SYNE2: variants seen among roughly 807,000 people sequenced by gnomAD.
The protein encoded by SYNE2 is nesprin-2.
In SYNE2, 431 loss-of-function variants were observed where a neutral mutation model predicts 856.3. The ratio of observed to expected loss-of-function variants is 0.50; its 90% CI spans 0.47 to 0.55. SYNE2 has a LOEUF of 0.55. SYNE2 is among the 20% of genes least tolerant of loss of function. The pLI is 0.00. For missense variants in SYNE2, 8,129 were observed against 8,023.2 expected, an observed-to-expected ratio of 1.01 and a Z score of -0.50; for synonymous variants, 2,923 against 2,872.3, an observed-to-expected ratio of 1.02 and a Z score of -0.56.
intron 85 of SYNE2, 53 bp downstream of exon 85, chr14:64,152,769 T>G: frequency 6.2e-7 from 1 of 1,609,154 alleles, no homozygotes; most frequent in Non-Finnish European, 8.5e-7. Flanking sequence ...TCTTTTACCT[T>G]ATTTGTCGTT....
At chr14:64,098,335 C>T (rs532961601) in intron 62 of SYNE2, 189 bp downstream of exon 62, 6 of 686,506 alleles carry the variant, frequency 8.7e-6, no homozygotes, top group Admixed American at 2.3e-5. Flanking sequence ...CTGTTCTGGA[C>T]TCCACCCAGA....
At chr14:64,074,492 G>A (rs1302717738) in intron 53 of SYNE2, among the ~76,000 whole-genome samples, 4 of 152,140 alleles carry the variant, frequency 2.6e-5, no homozygotes, top group Non-Finnish European at 4.4e-5. Flanking sequence ...CTCTGACAGG[G>A]TCTATGTACA....
In SYNE2 at chr14:63,990,996, G is replaced by C; in HGVS notation, c.2527G>C (p.Asp843His). The change falls in exon 21 of 116, where the codon GAT becomes CAT. Residue 843 changes from aspartate (D) to histidine (H), a missense_variant. Coordinates refer to ENST00000555002, the MANE Select transcript of SYNE2 (RefSeq NM_182914.3). ...GAAGAACTTAACTGACGTTTCACCA[G>C]ATTTGGACATCAGGCTGAAGATGGA... ...ALKNLTDVSP[D>H]LDIRLKMEES... The C allele has an allele frequency of 2.5e-6, 4 of 1,614,154 alleles. No homozygotes were observed. Among genetic ancestry groups the C allele is most frequent in the Non-Finnish European group, 3.4e-6 (4 of 1,180,002 alleles).
At position 64,093,391 on chromosome 14, in the gene SYNE2, A is replaced by C. The variant is rs747159437; in HGVS notation, c.12019A>C (p.Asn4007His). The change falls in exon 61 of 116, where the codon AAT becomes CAT. Residue 4007 changes from asparagine (N) to histidine (H), a missense_variant. Asn to His is a moderately conservative substitution (Grantham distance 68). This residue lies in a region of SYNE2 where 5,410 missense variants were observed against 5,284.8 expected (regional missense o/e 1.02). Coordinates refer to ENST00000555002, the MANE Select transcript of SYNE2 (RefSeq NM_182914.3). Reference protein sequence around the residue: ...QTNEWDEEIENLKQILNNYSA... With the variant: ...QTNEWDEEIEHLKQILNNYSA... ...CAATGAATGGGATGAAGAAATAGAA[A>C]ATTTGAAACAGATCTTAAATAATTA... 1 of 1,614,128 alleles carries C rather than the reference A, an allele frequency of 6.2e-7. No homozygotes were observed. Among genetic ancestry groups the C allele is most frequent in the Non-Finnish European group, 8.5e-7 (1 of 1,179,984 alleles).
chr14:63,990,491 T>C lies in SYNE2; in HGVS notation c.2394T>C (p.Ile798=), dbSNP rs1358294987. The part of the protein sequence containing the change: ...EDMLQMDIQN[I]SSQESFQHVL... ...TGTTACAAATGGATATACAAAATAT[T>C]TCAAGCCAGGAGTCCTTTCAACATG... Residue 798 remains isoleucine (I), a synonymous_variant, in exon 20 of 116, where the codon ATT becomes ATC. Coordinates refer to ENST00000555002, the MANE Select transcript of SYNE2 (RefSeq NM_182914.3). 2 of 1,613,864 alleles carry C rather than the reference T, an allele frequency of 1.2e-6. No individual in the cohort carries two copies. The highest frequency in any genetic ancestry group is 3.3e-5 in the Admixed American group (2 of 60,012).
intron 84 of SYNE2, among the ~76,000 whole-genome samples, chr14:64,149,986 CA>C (rs1221774870): frequency 6.8e-6 from 1 of 146,784 alleles, no homozygotes; most frequent in Non-Finnish European, 1.5e-5. Flanking sequence ...CTGCTATTGC[CA>C]TGGCTTTTTT....
intron 11 of SYNE2, among the ~76,000 whole-genome samples, chr14:63,975,908 C>T (rs116101014): frequency 0.011 from 1,631 of 152,224 alleles, 24 homozygotes; most frequent in African/African-American, 0.037. Context: ...GTTTTGTCAG[C>T]GCTTGCCGGG....
chr14:64,220,746 C>G (rs936498531), intron 111 of SYNE2, 109 bp downstream of exon 111: 19 of 1,299,116 alleles, frequency 1.5e-5, no homozygotes, highest in Non-Finnish European at 1.8e-5. Context: ...CCAAATGTGG[C>G]TGGTGTCAGG....
At chr14:64,181,438 C>G (rs547295094) in intron 96 of SYNE2, among the ~76,000 whole-genome samples, 65 of 152,282 alleles carry the variant, frequency 4.3e-4, no homozygotes, top group Middle Eastern at 3.4e-3. Context: ...AAATGTAAAC[C>G]CTTGAGCAGC....
intron 64 of SYNE2, among the ~76,000 whole-genome samples, chr14:64,105,047 C>T (rs2097762197): frequency 6.6e-6 from 1 of 152,146 alleles, no homozygotes; most frequent in African/African-American, 2.4e-5. Context: ...TTTCTCTCAC[C>T]TGTCACATCC....
chr14:63,797,867 A>G (rs560307413), intron 1 of SYNE2, among the ~76,000 whole-genome samples: 8 of 152,280 alleles, frequency 5.3e-5, no homozygotes, highest in Admixed American at 1.3e-4. Flanking sequence ...TTTTCTAGCC[A>G]TCAGGATTCT....
At chr14:63,844,457 T>C (rs143794737) in intron 1 of SYNE2, among the ~76,000 whole-genome samples, 254 of 152,350 alleles carry the variant, frequency 1.7e-3, no homozygotes, top group Admixed American at 5.4e-3. Context: ...GTTTTGGCAA[T>C]GTGAATAAAG....
intron 8 of SYNE2, chr14:63,956,431 T>C (rs1439118139): frequency 2.2e-6 from 1 of 456,632 alleles, no homozygotes; most frequent in East Asian, 6.9e-5. Flanking sequence ...CACAACCAGC[T>C]TACAAAAACT....
chr14:64,184,525 G>A (rs968533668), intron 96 of SYNE2, among the ~76,000 whole-genome samples: 2 of 152,180 alleles, frequency 1.3e-5, no homozygotes, highest in African/African-American at 2.4e-5. Context: ...CTCGGTGGCC[G>A]AGCCAGCACC....
At position 64,098,818 on chromosome 14, in the gene SYNE2, C is replaced by A; in HGVS notation, c.12378C>A (p.Ser4126Arg). ...EEEVEESSVK[S>R]DNGDEKAEPS... ...AGGTGGAAGAAAGTTCCGTGAAGAG[C>A]GATGTAAGGGAAATGATTTTCTTGT... is the stretch of plus-strand genomic sequence containing the variant. Residue 4126 changes from serine to arginine, a missense_variant, in exon 63 of 116, where the codon AGC (serine) becomes AGA (arginine). Around this residue, in one of 3 missense-constraint regions of SYNE2, gnomAD observed 5,410 missense variants for 5,284.8 expected, o/e 1.02. Coordinates refer to ENST00000555002, the MANE Select transcript of SYNE2 (RefSeq NM_182914.3). The A allele has an allele frequency of 6.2e-7, 1 of 1,613,658 alleles. No individual in the cohort carries two copies. Among genetic ancestry groups the A allele is most frequent in the Non-Finnish European group, 8.5e-7 (1 of 1,179,836 alleles).
At chr14:64,161,700 T>C (rs972806631) in intron 87 of SYNE2, among the ~76,000 whole-genome samples, 6 of 149,936 alleles carry the variant, frequency 4.0e-5, no homozygotes, top group Non-Finnish European at 7.4e-5. Flanking sequence ...GCTGCAGAGT[T>C]TGAGACCATC....
chr14:64,209,348 C>A, intron 101 of SYNE2, 80 bp from the exon 102 acceptor site: 1 of 1,606,760 alleles, frequency 6.2e-7, no homozygotes, highest in Non-Finnish European at 8.5e-7. Flanking sequence ...CTAAACCGTG[C>A]GGGTGTCAGG....
Position 64,122,319 on chromosome 14 carries a change from A to G in SYNE2, c.13314A>G (p.Pro4438=). The G allele has an allele frequency of 6.2e-7, 1 of 1,614,230 alleles. No individual in the cohort carries two copies. Among genetic ancestry groups the G allele is most frequent in the Non-Finnish European group, 8.5e-7 (1 of 1,180,038 alleles). The stretch of plus-strand genomic sequence containing the variant: ...CATCCAGCCCTGAAAATGACGTTCC[A>G]GACTCGATCTTGTCACCCCAGGGCC... ...NQASSPENDV[P]DSILSPQGQN... The change falls in exon 70 of 116, where the codon CCA becomes CCG. Residue 4438 remains proline (P), a synonymous_variant. Transcript: ENST00000555002.
chr14:64,221,855 T>C, intron 112 of SYNE2, 151 bp downstream of exon 112: 3 of 973,390 alleles, frequency 3.1e-6, no homozygotes, highest in Non-Finnish European at 4.7e-6. Flanking sequence ...GTTCCTCCAG[T>C]TGGTGTTTAC....
Sources: gnomAD v4.1 joint callset for allele counts (sites outside exome capture counted in the v4.1 genomes callset) on GRCh38, gnomAD v4.1.1 for gene constraint, gnomAD v4.1.1 regional missense constraint, MANE v1.5 for transcripts, NCBI Gene and HGNC (gene_info 2026-07-23, HGNC 2026-07-21) for gene names.